Variants in DIAPH3 observed in about 807,000 individuals in gnomAD.
DIAPH3 encodes protein diaphanous homolog 3.
DIAPH3 carries 117 observed loss-of-function variants against 144.3 expected under a neutral mutation model. That is an observed-to-expected ratio of 0.81 (90% CI 0.70 to 0.95). The LOEUF is 0.95. Among genes scored for constraint, DIAPH3 ranks in the 40% least tolerant of loss-of-function variants. DIAPH3 has a pLI of 0.00. For synonymous variants in DIAPH3, 519 were observed against 488.9 expected, an observed-to-expected ratio of 1.06 and a Z score of -0.81; for missense variants, 1,421 against 1,412.7, an observed-to-expected ratio of 1.01 and a Z score of -0.09.
intron 1 of DIAPH3, among the ~76,000 whole-genome samples, chr13:60,138,713 T>C (rs1280623330): frequency 1.3e-5 from 2 of 149,152 alleles, no homozygotes; most frequent in Admixed American, 1.4e-4. Flanking sequence ...ATGATACCAT[T>C]TGCTTGACAA....
intron 27 of DIAPH3, among the ~76,000 whole-genome samples, chr13:59,764,213 T>A (rs6562059): frequency 0.34 from 51,369 of 151,632 alleles, 9,167 homozygotes; most frequent in African/African-American, 0.44. Flanking sequence ...CAATTGTTCC[T>A]AACAATAAAT....
intron 22 of DIAPH3, among the ~76,000 whole-genome samples, chr13:59,859,090 C>A (rs2139912660): frequency 6.6e-6 from 1 of 152,240 alleles, no homozygotes; most frequent in East Asian, 1.9e-4. Context: ...ACACACTTAC[C>A]TCATTCAAAA....
intron 17 of DIAPH3, among the ~76,000 whole-genome samples, chr13:59,947,812 T>C (rs1165793995): frequency 6.6e-6 from 1 of 151,958 alleles, no homozygotes; most frequent in Non-Finnish European, 1.5e-5. Flanking sequence ...TGCTTTAAAC[T>C]GTCAATTCAG....
intron 17 of DIAPH3, among the ~76,000 whole-genome samples, chr13:59,953,125 C>T (rs1377274569): frequency 6.6e-6 from 1 of 152,006 alleles, no homozygotes; most frequent in Non-Finnish European, 1.5e-5. Context: ...GCATGGGAAC[C>T]TCATTGAGAA....
At chr13:59,822,677 C>T (rs1312981398) in intron 24 of DIAPH3, among the ~76,000 whole-genome samples, 2 of 151,926 alleles carry the variant, frequency 1.3e-5, no homozygotes, top group South Asian at 2.1e-4. Context: ...CTCCTGACCT[C>T]GTGATCCACC....
intron 4 of DIAPH3, among the ~76,000 whole-genome samples, chr13:60,047,293 A>C (rs1444788000): frequency 6.6e-6 from 1 of 152,172 alleles, no homozygotes; most frequent in East Asian, 1.9e-4. Context: ...CATAGATGCA[A>C]TCAATGATTA....
intron 5 of DIAPH3, among the ~76,000 whole-genome samples, chr13:60,019,609 TAAAAAA>T (rs5803982): frequency 1.4e-5 from 2 of 144,232 alleles, no homozygotes; most frequent in South Asian, 4.4e-4. Flanking sequence ...TAATAAAAAT[TAAAAAA>T]AAAAAAAACA....
At chr13:60,074,760 T>A (rs2057323146) in intron 4 of DIAPH3, among the ~76,000 whole-genome samples, 1 of 152,206 alleles carries the variant, frequency 6.6e-6, no homozygotes, top group Non-Finnish European at 1.5e-5. Flanking sequence ...TGGTTCATAC[T>A]ATACATATGC....
intron 4 of DIAPH3, among the ~76,000 whole-genome samples, chr13:60,065,146 A>G (rs1192780857): frequency 2.0e-5 from 3 of 151,960 alleles, no homozygotes; most frequent in Admixed American, 6.6e-5. Flanking sequence ...TGCAAGAACT[A>G]CCAAATACCA....
At chr13:60,127,819 T>C (rs781619469) in intron 2 of DIAPH3, among the ~76,000 whole-genome samples, 4 of 152,180 alleles carry the variant, frequency 2.6e-5, no homozygotes, top group Non-Finnish European at 5.9e-5. Context: ...CATTATTGTA[T>C]ATATTTCTCA....
At chr13:59,957,944 C>G (rs2140478568) in intron 17 of DIAPH3, among the ~76,000 whole-genome samples, 1 of 152,154 alleles carries the variant, frequency 6.6e-6, no homozygotes, top group South Asian at 2.1e-4. Flanking sequence ...AATTGGTTCT[C>G]TAATCAAAAA....
chr13:59,838,794 G>GA (rs888786679), intron 23 of DIAPH3: 10 of 154,780 alleles, frequency 6.5e-5, no homozygotes, highest in Non-Finnish European at 1.3e-4. Context: ...TGATAAAAAG[G>GA]AAAAAAATAG....
chr13:59,711,301 A>C (rs1462753942), intron 27 of DIAPH3, among the ~76,000 whole-genome samples: 1 of 152,128 alleles, frequency 6.6e-6, no homozygotes, highest in East Asian at 1.9e-4. Flanking sequence ...TTTCTTATCC[A>C]CAGCCCTTCT....
chr13:59,779,794 G>A (rs2038638458), intron 25 of DIAPH3, among the ~76,000 whole-genome samples: 1 of 152,126 alleles, frequency 6.6e-6, no homozygotes. Context: ...TTACAGGCAT[G>A]AGAGTCACCG....
In DIAPH3 at chr13:59,969,976, T is replaced by C. The variant is rs1160228400; in HGVS notation, c.2042A>G (p.Lys681Arg). The C allele has an allele frequency of 2.5e-6, 4 of 1,608,996 alleles. No individual in the cohort carries two copies. Among genetic ancestry groups the C allele is most frequent in the Admixed American group, 1.7e-5 (1 of 59,702 alleles). Reference sequence around the variant, plus strand: ...TTGGCAACAAAATGTATTCTCAAGTTTACAAAGCAAATCCACGTTTTCATA... The same window carrying C: ...TTGGCAACAAAATGTATTCTCAAGTCTACAAAGCAAATCCACGTTTTCATA... The part of the protein sequence containing the change: ...NKYENVDLLC[K>R]LENTFCCQQK... Residue 681 changes from lysine (K) to arginine (R), a missense_variant, in exon 17 of 28, where the codon AAA (lysine) becomes AGA (arginine). Physicochemically the swap from Lys to Arg is conservative, Grantham distance 26 (BLOSUM62 2). Transcript: ENST00000400324.
intron 1 of DIAPH3, among the ~76,000 whole-genome samples, chr13:60,136,790 A>C (rs75869492): frequency 1.3e-5 from 2 of 151,980 alleles, no homozygotes; most frequent in Admixed American, 1.3e-4. Flanking sequence ...AAAAAAAAAA[A>C]TTAGCCGGGC....
intron 4 of DIAPH3, among the ~76,000 whole-genome samples, chr13:60,087,786 C>CAA (rs66948092): frequency 0.55 from 79,724 of 145,178 alleles, 21,861 homozygotes; most frequent in Admixed American, 0.6. Flanking sequence ...TCCAAAATAT[C>CAA]AAAAAAAAAA....
At chr13:59,782,183 G>A (rs1406460261) in intron 25 of DIAPH3, among the ~76,000 whole-genome samples, 1 of 151,964 alleles carries the variant, frequency 6.6e-6, no homozygotes, top group Non-Finnish European at 1.5e-5. Context: ...AGAAAACAAA[G>A]TATATTTACA....
intron 3 of DIAPH3, among the ~76,000 whole-genome samples, chr13:60,094,196 T>C (rs2058039646): frequency 1.3e-5 from 2 of 152,194 alleles, no homozygotes; most frequent in South Asian, 2.1e-4. Context: ...AAATATCCAG[T>C]ACTGGTTCCA....
Sources: allele counts gnomAD v4.1 joint callset (sites outside exome capture counted in the v4.1 genomes callset), GRCh38; gene constraint gnomAD v4.1.1; transcripts MANE v1.5; gene names NCBI Gene and HGNC (gene_info 2026-07-23, HGNC 2026-07-21).